Variants in RGS6 observed in about 807,000 individuals in gnomAD.
RGS6 encodes regulator of G protein signaling 6.
In RGS6, 30 loss-of-function variants were observed where a neutral mutation model predicts 78.5. The ratio of observed to expected loss-of-function variants is 0.38; its 90% CI spans 0.29 to 0.52. The LOEUF is 0.52. Ranked by LOEUF, RGS6 falls within the 20% of genes least tolerant of loss-of-function variation. The pLI is 0.85. For synonymous variants in RGS6, 206 were observed against 206.0 expected, an observed-to-expected ratio of 1.00 and a Z score of 0.00; for missense variants, 495 against 609.7, an observed-to-expected ratio of 0.81 and a Z score of 1.98.
chr14:72,597,209 A>C, the RGS6 span, among the ~76,000 whole-genome samples: 1 of 151,492 alleles, frequency 6.6e-6, no homozygotes, highest in Non-Finnish European at 1.5e-5. Flanking sequence ...ACTGCACTCC[A>C]GCCTGAGTGA....
chr14:72,449,882 A>G (rs2095450274), intron 3 of RGS6, among the ~76,000 whole-genome samples: 1 of 152,202 alleles, frequency 6.6e-6, no homozygotes, highest in African/African-American at 2.4e-5. Context: ...TTCCCCAGAG[A>G]GCAGGAAATG....
At chr14:72,181,525 T>C (rs1379855990) in intron 2 of RGS6, among the ~76,000 whole-genome samples, 2 of 152,248 alleles carry the variant, frequency 1.3e-5, no homozygotes, top group East Asian at 1.9e-4. Context: ...AGCCTTCAGG[T>C]GTAGGGACTT....
chr14:72,063,184 C>A (rs979855943), intron 2 of RGS6, among the ~76,000 whole-genome samples: 15 of 152,018 alleles, frequency 9.9e-5, no homozygotes, highest in African/African-American at 3.4e-4. Flanking sequence ...AGAACTGAAT[C>A]TGGGGTGCTC....
intron 2 of RGS6, among the ~76,000 whole-genome samples, chr14:72,085,386 T>C (rs982363510): frequency 3.3e-5 from 5 of 152,094 alleles, no homozygotes; most frequent in Non-Finnish European, 5.9e-5. Context: ...AAAGCAGAGG[T>C]ATCAACCTAG....
chr14:72,415,268 G>A (rs867139857), intron 3 of RGS6, among the ~76,000 whole-genome samples: 8 of 152,180 alleles, frequency 5.3e-5, no homozygotes, highest in South Asian at 2.1e-4. Context: ...CCTCACTGCC[G>A]CCTTGCAGTT....
In RGS6 at chr14:72,302,683, C is replaced by G. The variant is rs559229008; in HGVS notation, c.85-49412C>G. On this transcript the variant is annotated intron_variant, in intron 2 of 17. Coordinates refer to ENST00000553525, the MANE Select transcript of RGS6 (RefSeq NM_001204424.2). Reference sequence around the variant, plus strand: ...GGCCCCCAACACACACATACACATACACACACACACACACACACACACGGA... The same window carrying G: ...GGCCCCCAACACACACATACACATAGACACACACACACACACACACACGGA... 9.8e-3 allele frequency among the ~76,000 whole-genome samples: 1,233 copies of G among 125,434 alleles called. 7 individuals carry two copies. The highest frequency in any genetic ancestry group is 0.014 in the Non-Finnish European group (855 of 59,440). 82.3% of individuals were successfully genotyped at this position (125,434 alleles called of 152,430 possible). A position where few individuals can be genotyped will look rare whatever the true frequency, so the allele number is the denominator to read the frequency against.
chr14:72,097,541 C>T (rs1412760589), intron 2 of RGS6, among the ~76,000 whole-genome samples: 3 of 152,128 alleles, frequency 2.0e-5, no homozygotes, highest in South Asian at 2.1e-4. Flanking sequence ...TGCTAAGAAA[C>T]AGGAAGGCCG....
At position 71,953,701 on chromosome 14, in the gene RGS6, A is replaced by AT. The variant is rs36005504; in HGVS notation, c.-20-11064dup. The stretch of plus-strand genomic sequence containing the variant: ...CTATGAACATTATTCAAAAGGGTCT[A>AT]TTTTTTTCTTTTAGACCAATTATGA... On this transcript the variant is annotated intron_variant, in intron 1 of 17. Coordinates refer to ENST00000553525, the MANE Select transcript of RGS6 (RefSeq NM_001204424.2). Among the ~76,000 whole-genome samples the AT allele has an allele frequency of 4.4e-3, 663 of 152,088 alleles. 19 individuals are homozygous for AT. The highest frequency in any genetic ancestry group is 0.035 in the Admixed American group (534 of 15,250).
At chr14:72,309,527 A>T (rs557579760) in intron 2 of RGS6, among the ~76,000 whole-genome samples, 1 of 152,212 alleles carries the variant, frequency 6.6e-6, no homozygotes, top group Non-Finnish European at 1.5e-5. Flanking sequence ...AGTGGGATCA[A>T]TGTTGGTAGT....
At chr14:72,549,636 C>T (rs1016330227) in intron 17 of RGS6, among the ~76,000 whole-genome samples, 1 of 152,290 alleles carries the variant, frequency 6.6e-6, no homozygotes, top group South Asian at 2.1e-4. Context: ...CCGAGACAGG[C>T]AGATCACCTG....
chr14:72,611,262 G>A, the RGS6 span, among the ~76,000 whole-genome samples: 9 of 152,224 alleles, frequency 5.9e-5, no homozygotes, highest in Non-Finnish European at 8.8e-5. Context: ...GCTGTGACAC[G>A]TGTGGAGAAA....
chr14:72,173,116 C>T (rs1381869927), intron 2 of RGS6, among the ~76,000 whole-genome samples: 1 of 152,122 alleles, frequency 6.6e-6, no homozygotes, highest in Non-Finnish European at 1.5e-5. Context: ...TTTGCTGTGC[C>T]TGGAACATAC....
chr14:72,120,828 C>T (rs899142291), intron 2 of RGS6, among the ~76,000 whole-genome samples: 3 of 152,162 alleles, frequency 2.0e-5, no homozygotes, highest in African/African-American at 7.2e-5. Flanking sequence ...CACAAGAGAA[C>T]TTTCTGGGAT....
At chr14:72,201,911 A>G (rs545088397) in intron 2 of RGS6, among the ~76,000 whole-genome samples, 95 of 151,880 alleles carry the variant, frequency 6.3e-4, no homozygotes, top group Admixed American at 1.1e-3. Flanking sequence ...GTATCACAGG[A>G]AAAAAAAATT....
At chr14:72,194,494 C>T (rs111474882) in intron 2 of RGS6, among the ~76,000 whole-genome samples, 1,957 of 152,246 alleles carry the variant, frequency 0.013, 21 homozygotes, top group South Asian at 0.021. Flanking sequence ...GCCCCAGCCT[C>T]CCACGTAGCT....
chr14:72,031,777 C>T (rs1263062162), intron 2 of RGS6, among the ~76,000 whole-genome samples: 2 of 152,338 alleles, frequency 1.3e-5, no homozygotes, highest in Non-Finnish European at 2.9e-5. Flanking sequence ...CAAGCGCAAT[C>T]CTGTATGTCC....
At chr14:72,322,182 T>C (rs537702963) in intron 2 of RGS6, among the ~76,000 whole-genome samples, 15 of 151,728 alleles carry the variant, frequency 9.9e-5, no homozygotes, top group Non-Finnish European at 2.1e-4. Flanking sequence ...AAAATAAAGT[T>C]AACCTCAGGA....
intron 3 of RGS6, among the ~76,000 whole-genome samples, chr14:72,407,269 G>A (rs1309715958): frequency 6.6e-6 from 1 of 152,200 alleles, no homozygotes; most frequent in Non-Finnish European, 1.5e-5. Context: ...GTGCTGAGCT[G>A]CATGATCCTC....
At chr14:72,620,756 C>T in the RGS6 span, among the ~76,000 whole-genome samples, 1 of 152,242 alleles carries the variant, frequency 6.6e-6, no homozygotes, top group Non-Finnish European at 1.5e-5. Context: ...TCTCTTCCCT[C>T]GTGCAGCCCT....
Sources: gnomAD v4.1 joint callset for allele counts (sites outside exome capture counted in the v4.1 genomes callset) on GRCh38, gnomAD v4.1.1 for gene constraint, MANE v1.5 for transcripts, NCBI Gene and HGNC (gene_info 2026-07-23, HGNC 2026-07-21) for gene names.